PLXNA4: variants seen among roughly 807,000 people sequenced by gnomAD.
PLXNA4 encodes the protein plexin-A4.
Under a neutral mutation model 191.8 loss-of-function variants are expected in PLXNA4, and 44 were observed. The observed-to-expected ratio is 0.23, with a 90% CI of 0.18 to 0.29. PLXNA4 has a LOEUF of 0.29. PLXNA4 is among the 10% of genes least tolerant of loss of function. The probability of loss-of-function intolerance (pLI) is 1.00; values close to 1 mark genes in which losing one functional copy is unlikely to be tolerated. For synonymous variants in PLXNA4, 1,082 were observed against 1,009.5 expected (o/e 1.07, Z -1.36); for missense variants, 1,800 against 2,488.8 (o/e 0.72, Z 5.89).
intron 3 of PLXNA4, among the ~76,000 whole-genome samples, chr7:132,385,799 C>G (rs1044690949): frequency 6.6e-6 from 1 of 152,230 alleles, no homozygotes; most frequent in African/African-American, 2.4e-5. Flanking sequence ...GCCAACCTTG[C>G]CCCTCACTAA....
At chr7:132,163,125 C>G (rs1795999407) in intron 24 of PLXNA4, among the ~76,000 whole-genome samples, 1 of 152,150 alleles carries the variant, frequency 6.6e-6, no homozygotes, top group African/African-American at 2.4e-5. Context: ...CAGCTTTTAT[C>G]TTTTCATACT....
At chr7:132,278,747 T>G (rs1318395960) in intron 4 of PLXNA4, among the ~76,000 whole-genome samples, 1 of 152,218 alleles carries the variant, frequency 6.6e-6, no homozygotes, top group Non-Finnish European at 1.5e-5. Flanking sequence ...TTTTTTCCCC[T>G]TCGGTGCACA....
chr7:132,221,960 T>C (rs1174715656), intron 9 of PLXNA4, among the ~76,000 whole-genome samples: 1 of 152,206 alleles, frequency 6.6e-6, no homozygotes, highest in Non-Finnish European at 1.5e-5. Context: ...AGGTTTTATC[T>C]AGCAAGGAGG....
chr7:132,562,053 CCCTCCTCCTTCTCCTCCTCTT>C lies in PLXNA4; in HGVS notation c.-87+14348_-87+14368del, dbSNP rs1321065545. 4.8e-3 allele frequency among the ~76,000 whole-genome samples: 321 copies of C among 67,496 alleles called. 10 individuals are homozygous for C. The highest frequency in any genetic ancestry group is 0.021 in the African/African-American group (308 of 14,476). The allele number at this position is 67,496 out of a possible 152,430, so 44.3% of individuals were successfully genotyped here. ...CTTCTCCTCCTCTTCCTCCTCCTCT[CCCTCCTCCTTCTCCTCCTCTT>C]CCTCCTCCTCTCCCTCCTCCTTTCT... On this transcript the variant is annotated intron_variant, in intron 1 of 31. Coordinates refer to ENST00000321063, the MANE Select transcript of PLXNA4 (RefSeq NM_020911.2).
intron 3 of PLXNA4, among the ~76,000 whole-genome samples, chr7:132,304,886 G>T (rs1801448782): frequency 6.6e-6 from 1 of 150,830 alleles, no homozygotes; most frequent in Admixed American, 6.6e-5. Context: ...CTTACTTTTT[G>T]GGCATTCTTG....
chr7:132,354,259 C>T (rs73436703), intron 3 of PLXNA4, among the ~76,000 whole-genome samples: 4,074 of 152,210 alleles, frequency 0.027, 197 homozygotes, highest in African/African-American at 0.093. Context: ...CAGGAATGAG[C>T]GCAAATCCAC....
Position 132,439,102 on chromosome 7 carries a change from T to TC in PLXNA4, c.1371+50189dup, listed in dbSNP as rs150671410. 4.8e-3 allele frequency among the ~76,000 whole-genome samples: 738 copies of TC among 152,350 alleles called. 8 individuals are homozygous for TC. The highest frequency in any genetic ancestry group is 0.016 in the African/African-American group (655 of 41,582). The stretch of plus-strand genomic sequence containing the variant: ...TGGTATCATTCACAAACTGCAGTTC[T>TC]CTTTTTTTTCCTCAGGCCTGGAGGG... On this transcript the variant is annotated intron_variant, in intron 3 of 31. Coordinates refer to ENST00000321063, the MANE Select transcript of PLXNA4 (RefSeq NM_020911.2).
chr7:132,363,803 C>T (rs954245907), intron 3 of PLXNA4, among the ~76,000 whole-genome samples: 5 of 152,230 alleles, frequency 3.3e-5, no homozygotes, highest in African/African-American at 7.2e-5. Flanking sequence ...ATTAGTAATG[C>T]CTGTTTGAAA....
In PLXNA4 at chr7:132,626,991, C is replaced by G. The variant is rs529656560; in HGVS notation, c.-87+18937G>C. 8.5e-5 allele frequency among the ~76,000 whole-genome samples: 13 copies of G among 152,292 alleles called. 1 individual carries two copies. The South Asian group carries it at 2.7e-3, about 32-fold the overall frequency. ...CATGCTGGAATCCAATCTATGATGACAAGAAAATTTCAATGGCTCCTGACT... is the reference window on the plus strand; with the variant it reads ...CATGCTGGAATCCAATCTATGATGAGAAGAAAATTTCAATGGCTCCTGACT... On this transcript the variant is annotated intron_variant, in intron 2 of 4. Transcript: ENST00000378539.
rs1401637917 is a variant in PLXNA4 at position 132,210,945 on chromosome 7, A to T, written c.2296T>A (p.Ser766Thr). 11 of 1,610,742 alleles carry T rather than the reference A, an allele frequency of 6.8e-6. No individual in the cohort carries two copies. Among genetic ancestry groups the T allele is most frequent in the Non-Finnish European group, 8.5e-6 (10 of 1,178,842 alleles). The change falls in exon 10 of 32, where the codon TCT (serine) becomes ACT (threonine). Residue 766 changes from serine to threonine, a missense_variant and splice_region_variant. Physicochemically the swap from Ser to Thr is moderately conservative, Grantham distance 58. Around this residue, in one of 6 missense-constraint regions of PLXNA4, gnomAD observed 1,397 missense variants for 1,880.4 expected, o/e 0.74. Coordinates refer to ENST00000321063, the MANE Select transcript of PLXNA4 (RefSeq NM_020911.2). ...NSSSVQCQNT[S>T]YSYEGMEINN... Reference sequence around the variant, plus strand: ...GTGGGCAGGGTTGGGCGACTCACAGAGGTGTTCTGGCACTGTACGCTGGAG... The same window carrying T: ...GTGGGCAGGGTTGGGCGACTCACAGTGGTGTTCTGGCACTGTACGCTGGAG...
chr7:132,247,546 G>C (rs1355375810), intron 4 of PLXNA4, among the ~76,000 whole-genome samples: 1 of 152,208 alleles, frequency 6.6e-6, no homozygotes, highest in East Asian at 1.9e-4. Context: ...AGAGGAAGTA[G>C]AGTTGAGAAA....
At chr7:132,554,067 A>T (rs1800684915) in intron 1 of PLXNA4, among the ~76,000 whole-genome samples, 1 of 152,178 alleles carries the variant, frequency 6.6e-6, no homozygotes, top group Non-Finnish European at 1.5e-5. Flanking sequence ...CTATTTCTCA[A>T]TTTTGCCCAA....
chr7:132,334,454 C>T (rs1309355272), intron 3 of PLXNA4, among the ~76,000 whole-genome samples: 1 of 151,744 alleles, frequency 6.6e-6, no homozygotes, highest in African/African-American at 2.4e-5. Flanking sequence ...GACGGTGTCT[C>T]ACTATGTTGC....
At chr7:132,563,012 CTTTCTCTTCCTCTTTCTCCTCCTCCTT>C (rs1801360003) in intron 1 of PLXNA4, among the ~76,000 whole-genome samples, 10 of 109,514 alleles carry the variant, frequency 9.1e-5, no homozygotes, top group Non-Finnish European at 9.4e-5. Flanking sequence ...TTCTCCTCCT[CTTTCTCTTCCTCTTTCTCCTCCTCCTT>C]CTCTTCTTTC....
chr7:132,131,053 A>G (rs1440793033), intron 31 of PLXNA4, among the ~76,000 whole-genome samples: 1 of 152,166 alleles, frequency 6.6e-6, no homozygotes, highest in Non-Finnish European at 1.5e-5. Context: ...TGAGGCCCCA[A>G]ATTCTACATT....
At chr7:132,322,155 A>G (rs975102522) in intron 3 of PLXNA4, among the ~76,000 whole-genome samples, 1 of 150,178 alleles carries the variant, frequency 6.7e-6, no homozygotes, top group Non-Finnish European at 1.5e-5. Flanking sequence ...CAGGTAGACC[A>G]AGGCTAGAGT....
chr7:132,340,013 C>T (rs1337588392), intron 3 of PLXNA4, among the ~76,000 whole-genome samples: 2 of 152,168 alleles, frequency 1.3e-5, no homozygotes, highest in Admixed American at 1.3e-4. Context: ...GCATCCCTGC[C>T]TAGCTAGCCA....
At chr7:132,482,010 G>A (rs1039941492) in intron 3 of PLXNA4, among the ~76,000 whole-genome samples, 3 of 152,196 alleles carry the variant, frequency 2.0e-5, no homozygotes, top group African/African-American at 7.2e-5. Flanking sequence ...TCCTGAGGAA[G>A]GCCGTGTCCT....
intron 1 of PLXNA4, among the ~76,000 whole-genome samples, chr7:132,562,217 T>C (rs1446243018): frequency 5.7e-4 from 39 of 68,376 alleles, no homozygotes; most frequent in Admixed American, 7.5e-4. Flanking sequence ...TCCTCCTCCT[T>C]CTCTTCCTCT....
Sources: gnomAD v4.1 joint callset for allele counts (sites outside exome capture counted in the v4.1 genomes callset) on GRCh38, gnomAD v4.1.1 for gene constraint, gnomAD v4.1.1 regional missense constraint, MANE v1.5 for transcripts, NCBI Gene and HGNC (gene_info 2026-07-23, HGNC 2026-07-21) for gene names.